Variants in TAPT1 observed in about 807,000 individuals in gnomAD.
TAPT1 encodes transmembrane anterior posterior transformation protein 1 homolog.
TAPT1 carries 28 observed loss-of-function variants against 65.6 expected under a neutral mutation model. That is an observed-to-expected ratio of 0.43 (90% confidence interval 0.32 to 0.59). The LOEUF (loss-of-function observed/expected upper bound fraction) is 0.59. TAPT1 is among the 20% of genes least tolerant of loss of function. The probability of loss-of-function intolerance (pLI) is 0.09; values close to 1 mark genes in which losing one functional copy is unlikely to be tolerated. For synonymous variants in TAPT1, 278 were observed against 245.2 expected (o/e 1.13, Z -1.25); for missense variants, 563 against 679.9 (o/e 0.83, Z 1.91).
intron 1 of TAPT1, among the ~76,000 whole-genome samples, chr4:16,219,111 C>A (rs1270471847): frequency 2.6e-5 from 4 of 152,098 alleles, no homozygotes; most frequent in Non-Finnish European, 5.9e-5. Flanking sequence ...CTGTTATGCC[C>A]ATTTTGCAGA....
At chr4:16,185,679 C>A (rs1172061952) in intron 7 of TAPT1, among the ~76,000 whole-genome samples, 3 of 152,072 alleles carry the variant, frequency 2.0e-5, no homozygotes, top group Non-Finnish European at 4.4e-5. Flanking sequence ...GATCATCATA[C>A]TTTTTAAAGT....
At chr4:16,210,489 T>C in intron 2 of TAPT1, among the ~76,000 whole-genome samples, 1 of 152,026 alleles carries the variant, frequency 6.6e-6, no homozygotes, top group East Asian at 1.9e-4. Context: ...TCTAGCAGAG[T>C]AGTGCATTCC....
At chr4:16,221,606 T>C (rs1560193893) in intron 1 of TAPT1, among the ~76,000 whole-genome samples, 1 of 152,236 alleles carries the variant, frequency 6.6e-6, no homozygotes, top group African/African-American at 2.4e-5. Flanking sequence ...GATTAAAAAG[T>C]ATTAATTAAA....
intron 5 of TAPT1, among the ~76,000 whole-genome samples, chr4:16,187,567 C>G (rs1185778819): frequency 6.6e-6 from 1 of 151,870 alleles, no homozygotes; most frequent in African/African-American, 2.4e-5. Flanking sequence ...CAAGCATTAA[C>G]CCAATTTCTT....
chr4:16,211,517 C>A (rs999625200), intron 2 of TAPT1, among the ~76,000 whole-genome samples: 5 of 152,154 alleles, frequency 3.3e-5, no homozygotes, highest in African/African-American at 1.2e-4. Context: ...AACAGAAAAT[C>A]ATGATGTTCT....
chr4:16,179,716 CATAT>C, intron 7 of TAPT1, 59 bp from the exon 8 acceptor site: 3 of 827,414 alleles, frequency 3.6e-6, no homozygotes, highest in East Asian at 3.0e-5. Flanking sequence ...TAATAAAGTA[CATAT>C]ATAATTATTT....
At chr4:16,226,602 C>T (rs901882665), upstream of TAPT1, 1 of 459,808 alleles carries the variant, frequency 2.2e-6, no homozygotes, top group Non-Finnish European at 2.9e-6. Flanking sequence ...CGGCGCGAGC[C>T]ATTGGCGTCA....
rs956342615 is a variant in TAPT1, at chr4:16,182,961, A to C, written c.917-3304T>G. 2.6e-5 allele frequency: 4 copies of C among 152,254 alleles called. No homozygotes were observed. In the East Asian group the frequency reaches 7.7e-4, roughly 29 times the overall value. The allele number at this position is 152,254 out of a possible 1,614,324, so 9.4% of individuals were successfully genotyped here. ...ACCAGCATGAAGGACTGAACCTTAC[A>C]CTACGTATCTGGCAACTCAAATTCT... On this transcript the variant is annotated intron_variant, in intron 7 of 13. Transcript: ENST00000405303.
chr4:16,180,639 T>C (rs1353082468), intron 7 of TAPT1, among the ~76,000 whole-genome samples: 3 of 152,220 alleles, frequency 2.0e-5, no homozygotes, highest in Admixed American at 6.5e-5. Context: ...TCTCTTTTTT[T>C]ACTTCCACCT....
chr4:16,220,206 A>T (rs1433595487), intron 1 of TAPT1, among the ~76,000 whole-genome samples: 1 of 152,228 alleles, frequency 6.6e-6, no homozygotes, highest in Non-Finnish European at 1.5e-5. Flanking sequence ...CTGGTTAATT[A>T]TTTAGCAAAG....
At position 16,166,018 on chromosome 4, in the gene TAPT1, A is replaced by G. The variant is rs373119142; in HGVS notation, c.1474+615T>C. ...TTCTCATAACAGCCTGCAGCTCTCC[A>G]TGGTCCCCAAGACCCCCTCTCCAGT... On this transcript the variant is annotated intron_variant, in intron 13 of 13. Transcript: ENST00000405303. Among the ~76,000 whole-genome samples, 15 of 152,264 alleles carry G rather than the reference A, an allele frequency of 9.9e-5. No individual in the cohort carries two copies. The East Asian group carries it at 1.9e-3, about 20-fold the overall frequency.
intron 2 of TAPT1, among the ~76,000 whole-genome samples, chr4:16,212,371 C>A (rs1385222467): frequency 6.6e-6 from 1 of 152,216 alleles, no homozygotes; most frequent in Non-Finnish European, 1.5e-5. Flanking sequence ...GCACTGTGTC[C>A]TCACACTTCC....
At chr4:16,174,964 GAATA>G (rs1447634632) in intron 9 of TAPT1, 11 of 321,566 alleles carry the variant, frequency 3.4e-5, no homozygotes, top group African/African-American at 2.4e-4. Flanking sequence ...CTTTAAAGGG[GAATA>G]AATATCCAAC....
intron 2 of TAPT1, among the ~76,000 whole-genome samples, chr4:16,210,286 G>A (rs924948505): frequency 9.9e-5 from 15 of 152,150 alleles, no homozygotes; most frequent in Non-Finnish European, 2.2e-4. Flanking sequence ...CGAATTTAGT[G>A]GCAAGCAAAG....
intron 1 of TAPT1, 178 bp downstream of exon 1, chr4:16,226,081 T>C (rs957457607): frequency 9.8e-7 from 1 of 1,022,750 alleles, no homozygotes; most frequent in Non-Finnish European, 1.2e-6. Context: ...CCCGAGGAAC[T>C]GTCAACGGCC....
intron 2 of TAPT1, among the ~76,000 whole-genome samples, chr4:16,204,502 CTTAA>C: frequency 6.6e-6 from 1 of 152,332 alleles, no homozygotes; most frequent in African/African-American, 2.4e-5. Flanking sequence ...TAATCTTTTG[CTTAA>C]TTAATATCTT....
intron 5 of TAPT1, among the ~76,000 whole-genome samples, chr4:16,187,104 CATTT>C (rs1399775535): frequency 6.6e-6 from 1 of 152,140 alleles, no homozygotes; most frequent in African/African-American, 2.4e-5. Context: ...TCTATGCATT[CATTT>C]ATTTAGACCA....
chr4:16,206,939 G>GT (rs1750380117), intron 2 of TAPT1, among the ~76,000 whole-genome samples: 1 of 152,130 alleles, frequency 6.6e-6, no homozygotes, highest in African/African-American at 2.4e-5. Flanking sequence ...ATTAAGAATG[G>GT]TAAGACAGTT....
intron 1 of TAPT1, among the ~76,000 whole-genome samples, chr4:16,224,506 A>T (rs1415553176): frequency 6.6e-6 from 1 of 152,144 alleles, no homozygotes; most frequent in Admixed American, 6.6e-5. Flanking sequence ...ATACTCCTGG[A>T]ATTTGGAATT....
Sources: allele counts gnomAD v4.1 joint callset (sites outside exome capture counted in the v4.1 genomes callset), GRCh38; gene constraint gnomAD v4.1.1; transcripts MANE v1.5; gene names NCBI Gene and HGNC (gene_info 2026-07-23, HGNC 2026-07-21).